The following LPCAT1 variants were observed in gnomAD, a reference collection of about 807,000 sequenced individuals.
LPCAT1 encodes the protein 1-acylglycerol-3-phosphate O-acyltransferase.
LPCAT1 carries 23 observed loss-of-function variants against 60.9 expected under a neutral mutation model. The ratio of observed to expected loss-of-function variants is 0.38; its 90% CI spans 0.27 to 0.53. The LOEUF (loss-of-function observed/expected upper bound fraction) is 0.53. LPCAT1 is among the 20% of genes least tolerant of loss of function. LPCAT1 has a pLI of 0.82. For missense variants in LPCAT1, 622 were observed against 723.6 expected (o/e 0.86, Z 1.61); for synonymous variants, 340 against 301.1 (o/e 1.13, Z -1.34).
rs757362565 is a variant in LPCAT1 at position 1,521,336 on chromosome 5, C to T, written c.135+2374G>A. 2.0e-6 allele frequency: 2 copies of T among 985,460 alleles called. No individual in the cohort carries two copies. Among genetic ancestry groups the T allele is most frequent in the Non-Finnish European group, 2.4e-6 (2 of 829,944 alleles). 61.0% of individuals were successfully genotyped at this position (985,460 alleles called of 1,614,324 possible). On this transcript the variant is annotated intron_variant, in intron 1 of 13. Transcript: ENST00000283415. This position sits in a 1 kb window ranked among gnomAD's most constrained non-coding sequence, Gnocchi z 4.3. ...GGCGGCAAATGCTCACAGGTAAATG[C>T]AGGTACTCACTGGTTTATCTCAACT...
intron 1 of LPCAT1, among the ~76,000 whole-genome samples, chr5:1,516,569 T>C (rs1465971103): frequency 6.6e-6 from 1 of 152,140 alleles, no homozygotes; most frequent in Non-Finnish European, 1.5e-5. Context: ...TGGCCCAGCT[T>C]TGGTTCTACC....
In LPCAT1 at chr5:1,462,374, A is replaced by G. The variant is rs1373258756; in HGVS notation, c.*1277T>C. 1 of 152,462 alleles carries G rather than the reference A, an allele frequency of 6.6e-6. No homozygotes were observed. The highest frequency in any genetic ancestry group is 1.5e-5 in the Non-Finnish European group (1 of 68,006). 9.4% of individuals were successfully genotyped at this position (152,462 alleles called of 1,614,324 possible). On this transcript the variant is annotated 3_prime_UTR_variant, in exon 14 of 14. Coordinates refer to ENST00000283415, the MANE Select transcript of LPCAT1 (RefSeq NM_024830.5). ...ACTTCAGGTGACACCAAAATACCCC[A>G]TCCAGGGCCTGGAAGCCCCTCTGCC...
At position 1,477,570 on chromosome 5, in the gene LPCAT1, A is replaced by G; in HGVS notation, c.817-84T>C. The G allele has an allele frequency of 1.9e-6, 2 of 1,025,938 alleles. No homozygotes were observed. Among genetic ancestry groups the G allele is most frequent in the Non-Finnish European group, 3.0e-6 (2 of 673,800 alleles). The allele number at this position is 1,025,938 out of a possible 1,614,324, so 63.6% of individuals were successfully genotyped here. A position where few individuals can be genotyped will look rare whatever the true frequency, so the allele number is the denominator to read the frequency against. On this transcript the variant is annotated intron_variant, in intron 8 of 13. Coordinates refer to ENST00000283415, the MANE Select transcript of LPCAT1 (RefSeq NM_024830.5). The surrounding 1 kb of genome is among the most constrained non-coding windows in gnomAD (Gnocchi z 6.0). Reference sequence around the variant, plus strand: ...GTAACGACAACTGGGAGGCTGACAAAATTAAGATCTGTCAAAGTAACGCCC... The same window carrying G: ...GTAACGACAACTGGGAGGCTGACAAGATTAAGATCTGTCAAAGTAACGCCC...
In LPCAT1 at chr5:1,495,060, T is replaced by C; in HGVS notation, c.279-146A>G. On this transcript the variant is annotated intron_variant, in intron 2 of 13. Transcript: ENST00000283415. The surrounding 1 kb of genome is among the most constrained non-coding windows in gnomAD (Gnocchi z 4.7). ...TGGTCGCCGCCGCTGGGACATCTGC[T>C]TGAGGGAAGAAAAGACGCCGCGCCT... 1 of 712,784 alleles carries C rather than the reference T, an allele frequency of 1.4e-6. No homozygotes were observed. Among genetic ancestry groups the C allele is most frequent in the Non-Finnish European group, 2.3e-6 (1 of 439,442 alleles). 44.2% of individuals were successfully genotyped at this position (712,784 alleles called of 1,614,324 possible). A position where few individuals can be genotyped will look rare whatever the true frequency, so the allele number is the denominator to read the frequency against.
rs896542942 is a variant in LPCAT1 at position 1,481,500 on chromosome 5, G to A, written c.727-524C>T. 2.0e-5 allele frequency among the ~76,000 whole-genome samples: 3 copies of A among 152,254 alleles called. No homozygotes were observed. Among genetic ancestry groups the A allele is most frequent in the African/African-American group, 7.2e-5 (3 of 41,472 alleles). On this transcript the variant is annotated intron_variant, in intron 6 of 13. Coordinates refer to ENST00000283415, the MANE Select transcript of LPCAT1 (RefSeq NM_024830.5). The surrounding 1 kb of genome is among the most constrained non-coding windows in gnomAD (Gnocchi z 7.8). ...AAGTCCCATCTTCAGCCTCAGTGCCGCCGGGCAGGGACCACACAGCAGGGG... is the reference window on the plus strand; with the variant it reads ...AAGTCCCATCTTCAGCCTCAGTGCCACCGGGCAGGGACCACACAGCAGGGG...
intron 3 of LPCAT1, among the ~76,000 whole-genome samples, chr5:1,490,882 C>G (rs1456114386): frequency 1.1e-4 from 16 of 152,204 alleles, no homozygotes. Flanking sequence ...CGGCGCCCCC[C>G]AGGCCAACTG....
chr5:1,463,999 C>G (rs529791119), intron 13 of LPCAT1, among the ~76,000 whole-genome samples, 164 bp from the exon 14 acceptor site: 12 of 152,318 alleles, frequency 7.9e-5, no homozygotes, highest in Non-Finnish European at 1.0e-4. Context: ...GAAGAACTTG[C>G]GCTTACTTTC....
rs922622777 is a variant in LPCAT1, at chr5:1,480,071, G to A, written c.762-396C>T. Among the ~76,000 whole-genome samples the A allele has an allele frequency of 2.0e-5, 3 of 151,800 alleles. No individual in the cohort carries two copies. Among genetic ancestry groups the A allele is most frequent in the Non-Finnish European group, 4.4e-5 (3 of 67,948 alleles). On this transcript the variant is annotated intron_variant, in intron 7 of 13. Transcript: ENST00000283415. The surrounding 1 kb of genome is among the most constrained non-coding windows in gnomAD (Gnocchi z 6.4). Reference sequence around the variant, plus strand: ...CCAGAGTTCCCAACCTCAGAACCAGGATCACCATGCCTTTGCCGCAGGAGT... The same window carrying A: ...CCAGAGTTCCCAACCTCAGAACCAGAATCACCATGCCTTTGCCGCAGGAGT...
intron 13 of LPCAT1, 134 bp from the exon 14 acceptor site, chr5:1,463,969 G>A: frequency 3.4e-6 from 3 of 890,510 alleles, no homozygotes; most frequent in Middle Eastern, 2.4e-4. Flanking sequence ...TCTGTGAAAC[G>A]GATGCTTTCA....
In LPCAT1 at chr5:1,463,053, G is replaced by T. The variant is rs972544311; in HGVS notation, c.*598C>A. Reference sequence around the variant, plus strand: ...AAATAAATATCCTTTGACTCTAAAAGGAAAAATGAAGTAGAAAAACAATTT... The same window carrying T: ...AAATAAATATCCTTTGACTCTAAAATGAAAAATGAAGTAGAAAAACAATTT... On this transcript the variant is annotated 3_prime_UTR_variant, in exon 14 of 14. Transcript: ENST00000283415. 1 of 151,634 alleles carries T rather than the reference G, an allele frequency of 6.6e-6. No homozygotes were observed. The highest frequency in any genetic ancestry group is 2.4e-5 in the African/African-American group (1 of 41,308). The allele number at this position is 151,634 out of a possible 1,614,324, so 9.4% of individuals were successfully genotyped here. A position where few individuals can be genotyped will look rare whatever the true frequency, so the allele number is the denominator to read the frequency against.
Position 1,521,564 on chromosome 5 carries a change from G to A in LPCAT1, c.135+2146C>T, listed in dbSNP as rs1736677762. 2 of 831,108 alleles carry A rather than the reference G, an allele frequency of 2.4e-6. No individual in the cohort carries two copies. The highest frequency in any genetic ancestry group is 1.9e-5 in the African/African-American group (1 of 53,952). The allele number at this position is 831,108 out of a possible 1,614,324, so 51.5% of individuals were successfully genotyped here. On this transcript the variant is annotated intron_variant, in intron 1 of 13. Coordinates refer to ENST00000283415, the MANE Select transcript of LPCAT1 (RefSeq NM_024830.5). This position sits in a 1 kb window ranked among gnomAD's most constrained non-coding sequence, Gnocchi z 4.3. ...GCAAAATGTTTCTGCAGAGAACTTT[G>A]AGAACGTTTACAAACTAAACCCTTG...
chr5:1,467,193 C>A (rs1157381360), intron 12 of LPCAT1: 16 of 332,276 alleles, frequency 4.8e-5, no homozygotes, highest in Non-Finnish European at 7.1e-5. Context: ...GTGGCTGCCA[C>A]TGGGAGGCCG....
At chr5:1,492,608 G>T (rs978169585) in intron 3 of LPCAT1, among the ~76,000 whole-genome samples, 5 of 152,226 alleles carry the variant, frequency 3.3e-5, no homozygotes, top group Non-Finnish European at 1.5e-5. Context: ...AACACGCAGG[G>T]CTCCACGAGG....
At chr5:1,466,274 A>G (rs1398846251) in intron 13 of LPCAT1, among the ~76,000 whole-genome samples, 4 of 152,120 alleles carry the variant, frequency 2.6e-5, no homozygotes, top group African/African-American at 7.2e-5. Context: ...AGATGTCCAC[A>G]GACAGGTGAC....
In LPCAT1 at chr5:1,480,430, C is replaced by A; in HGVS notation, c.761+512G>T. On this transcript the variant is annotated intron_variant, in intron 7 of 13. Coordinates refer to ENST00000283415, the MANE Select transcript of LPCAT1 (RefSeq NM_024830.5). The surrounding 1 kb of genome is among the most constrained non-coding windows in gnomAD (Gnocchi z 6.4). ...CTCAGACGTCAGCACCCAGGAGGCC[C>A]TGACCAGCCTGTGGCCCCGGGCTTC... 5.2e-6 allele frequency: 5 copies of A among 952,730 alleles called. No homozygotes were observed. In the South Asian group the frequency reaches 1.9e-4, roughly 37 times the overall value. The allele number at this position is 952,730 out of a possible 1,614,324, so 59.0% of individuals were successfully genotyped here. A position where few individuals can be genotyped will look rare whatever the true frequency, so the allele number is the denominator to read the frequency against.
At position 1,507,532 on chromosome 5, in the gene LPCAT1, T is replaced by C. The variant is rs3733795; in HGVS notation, c.136-5929A>G. 1.3e-4 allele frequency among the ~76,000 whole-genome samples: 20 copies of C among 152,354 alleles called. No homozygotes were observed. The East Asian group carries it at 3.9e-3, about 29-fold the overall frequency. The stretch of plus-strand genomic sequence containing the variant: ...TTCCCAGCAGAAGGCCCAGGGCTCC[T>C]CAGCCGGGCTTGCTCCAGGTCACAG... On this transcript the variant is annotated intron_variant, in intron 1 of 13. Transcript: ENST00000283415.
At chr5:1,469,405 G>C (rs1734577877) in intron 12 of LPCAT1, among the ~76,000 whole-genome samples, 1 of 152,202 alleles carries the variant, frequency 6.6e-6, no homozygotes, top group African/African-American at 2.4e-5. Context: ...TTCATGTTGA[G>C]AAACAAGGCA....
Position 1,494,607 on chromosome 5 carries a change from G to A in LPCAT1, c.493+93C>T, listed in dbSNP as rs1023434165. On this transcript the variant is annotated intron_variant, in intron 3 of 13. Coordinates refer to ENST00000283415, the MANE Select transcript of LPCAT1 (RefSeq NM_024830.5). ...AACAGAGGGGGGACCCTCACTCCCAGCAGGAGGGGAATCTCTTATTCTCAG... is the reference window on the plus strand; with the variant it reads ...AACAGAGGGGGGACCCTCACTCCCAACAGGAGGGGAATCTCTTATTCTCAG... 1.3e-5 allele frequency: 16 copies of A among 1,212,836 alleles called. No individual in the cohort carries two copies. In the African/African-American group the frequency reaches 1.9e-4, roughly 15 times the overall value. The allele number at this position is 1,212,836 out of a possible 1,614,324, so 75.1% of individuals were successfully genotyped here.
In LPCAT1 at chr5:1,505,748, A is replaced by G. The variant is rs543610243; in HGVS notation, c.136-4145T>C. ...CATTCCTGCACCTACTCCTTCGTGC[A>G]TGGGTTAGACTGCATGACCACCTGA... On this transcript the variant is annotated intron_variant, in intron 1 of 13. Transcript: ENST00000283415. Among the ~76,000 whole-genome samples, 7 of 152,186 alleles carry G rather than the reference A, an allele frequency of 4.6e-5. No individual in the cohort carries two copies. The East Asian group carries it at 1.2e-3, about 25-fold the overall frequency.
Sources: allele counts gnomAD v4.1 joint callset (sites outside exome capture counted in the v4.1 genomes callset), GRCh38; gene constraint gnomAD v4.1.1; non-coding constraint Gnocchi (gnomAD v3.1); transcripts MANE v1.5; gene names NCBI Gene and HGNC (gene_info 2026-07-23, HGNC 2026-07-21).